Variants in ZNF215 observed in about 807,000 individuals in gnomAD.
The protein encoded by ZNF215 is zinc finger protein 215.
Under a neutral mutation model 27.2 loss-of-function variants are expected in ZNF215, and 24 were observed. The ratio of observed to expected loss-of-function variants is 0.88; its 90% CI spans 0.64 to 1.24. The LOEUF is 1.24. ZNF215 is among the 50% of genes most tolerant of loss of function. ZNF215 has a pLI of 0.00. For missense variants in ZNF215, 675 were observed against 605.7 expected (o/e 1.11, Z -1.20); for synonymous variants, 210 against 204.0 (o/e 1.03, Z -0.25).
downstream of ZNF215, among the ~76,000 whole-genome samples, chr11:6,991,824 A>G (rs1348148562): frequency 6.6e-6 from 1 of 152,142 alleles, no homozygotes; most frequent in Non-Finnish European, 1.5e-5. Flanking sequence ...ATAATCTCTT[A>G]CATTGACTGG....
intron 1 of ZNF215, among the ~76,000 whole-genome samples, chr11:6,927,151 T>A (rs1849081661): frequency 6.6e-6 from 1 of 152,118 alleles, no homozygotes; most frequent in African/African-American, 2.4e-5. Flanking sequence ...CAAGCGTGAC[T>A]GGATCAATCA....
intron 5 of ZNF215, among the ~76,000 whole-genome samples, chr11:6,975,115 T>G (rs1850804035): frequency 6.6e-6 from 1 of 152,174 alleles, no homozygotes; most frequent in Non-Finnish European, 1.5e-5. Context: ...GCTGTTGAAT[T>G]TTGTCAAAGG....
intron 5 of ZNF215, among the ~76,000 whole-genome samples, chr11:6,978,200 TATATTC>T (rs1417720926): frequency 1.1e-4 from 17 of 152,058 alleles, no homozygotes; most frequent in African/African-American, 4.1e-4. Flanking sequence ...TTTACAATGA[TATATTC>T]ATAAAAATAA....
At chr11:6,979,238 A>G (rs1420770782) in intron 5 of ZNF215, among the ~76,000 whole-genome samples, 1 of 152,028 alleles carries the variant, frequency 6.6e-6, no homozygotes, top group African/African-American at 2.4e-5. Flanking sequence ...ACGGTTTCCA[A>G]GAATATCAGG....
intron 2 of ZNF215, among the ~76,000 whole-genome samples, chr11:6,929,081 C>A (rs1440639306): frequency 6.6e-6 from 1 of 152,148 alleles, no homozygotes; most frequent in Non-Finnish European, 1.5e-5. Context: ...TCCCGCGAGA[C>A]CCAGGAATAG....
At chr11:6,932,992 T>G (rs1395051532) in intron 3 of ZNF215, among the ~76,000 whole-genome samples, 1 of 152,244 alleles carries the variant, frequency 6.6e-6, no homozygotes, top group Non-Finnish European at 1.5e-5. Flanking sequence ...CTATGTCCAT[T>G]TTCATTTTGT....
chr11:6,945,987 C>T (rs1321516006), intron 6 of ZNF215, among the ~76,000 whole-genome samples: 2 of 152,124 alleles, frequency 1.3e-5, no homozygotes, highest in Non-Finnish European at 2.9e-5. Flanking sequence ...TTCTACTCTT[C>T]TATTATTCCC....
Position 6,932,175 on chromosome 11 carries a change from C to A in ZNF215, c.-98C>A. ...TACCGTGAAATAACTTGGCTTAAAT[C>A]ACACTGCATATAGTACACAGGTGCT... On this transcript the variant is annotated 5_prime_UTR_variant, in exon 3 of 7. Transcript: ENST00000278319. The A allele has an allele frequency of 2.1e-6, 3 of 1,432,382 alleles. No individual in the cohort carries two copies. The highest frequency in any genetic ancestry group is 2.8e-6 in the Non-Finnish European group (3 of 1,068,930). 88.7% of individuals were successfully genotyped at this position (1,432,382 alleles called of 1,614,324 possible).
downstream of ZNF215, among the ~76,000 whole-genome samples, chr11:6,987,250 C>T (rs913844662): frequency 6.6e-6 from 1 of 152,128 alleles, no homozygotes; most frequent in East Asian, 1.9e-4. Context: ...AAACCATTAC[C>T]TAAGCAAAAT....
intron 5 of ZNF215, among the ~76,000 whole-genome samples, chr11:6,981,901 C>G (rs1410965891): frequency 6.6e-6 from 1 of 152,004 alleles, no homozygotes; most frequent in East Asian, 1.9e-4. Flanking sequence ...TCAGGTTTGT[C>G]AAAGATCAGA....
chr11:6,979,879 G>A (rs928501800), intron 5 of ZNF215, among the ~76,000 whole-genome samples: 6 of 152,052 alleles, frequency 3.9e-5, no homozygotes, highest in Admixed American at 6.6e-5. Flanking sequence ...AGCTATAAAC[G>A]TGATAGACTT....
At chr11:6,943,458 G>T in intron 5 of ZNF215, 88 bp from the exon 6 acceptor site, 1 of 1,300,298 alleles carries the variant, frequency 7.7e-7, no homozygotes, top group Non-Finnish European at 1.1e-6. Flanking sequence ...GGATTACTGT[G>T]TCGGGATAGA....
chr11:6,960,446 ACT>A (rs942760675), downstream of ZNF215, among the ~76,000 whole-genome samples: 8 of 152,114 alleles, frequency 5.3e-5, no homozygotes, highest in Non-Finnish European at 1.2e-4. Flanking sequence ...GAGCTCCATA[ACT>A]CAGCCTGAGC....
chr11:6,952,144 T>G (rs935714929), intron 6 of ZNF215, among the ~76,000 whole-genome samples: 1 of 152,198 alleles, frequency 6.6e-6, no homozygotes, highest in African/African-American at 2.4e-5. Flanking sequence ...GAGGAGAGCT[T>G]TACTTCCAAG....
chr11:6,935,595 G>C (rs1172537282), intron 3 of ZNF215, among the ~76,000 whole-genome samples: 1 of 151,942 alleles, frequency 6.6e-6, no homozygotes, highest in African/African-American at 2.4e-5. Context: ...AAGTGAAAGA[G>C]AAATAGATCA....
At chr11:6,950,070 C>G (rs1239793618) in intron 6 of ZNF215, among the ~76,000 whole-genome samples, 21 of 151,732 alleles carry the variant, frequency 1.4e-4, no homozygotes, top group African/African-American at 4.4e-4. Flanking sequence ...TCTGAGGGCT[C>G]TGTTCTGTTC....
intron 5 of ZNF215, among the ~76,000 whole-genome samples, chr11:6,974,676 T>C (rs1368855791): frequency 6.6e-5 from 10 of 152,196 alleles, no homozygotes; most frequent in Admixed American, 3.9e-4. Context: ...AGTTCACTCA[T>C]GATTTGGCTC....
At chr11:6,986,724 T>A (rs1851058484), downstream of ZNF215, among the ~76,000 whole-genome samples, 1 of 152,032 alleles carries the variant, frequency 6.6e-6, no homozygotes, top group African/African-American at 2.4e-5. Flanking sequence ...AAAGAAGATA[T>A]ACAAGCAGTC....
chr11:6,975,847 T>C (rs868114931), intron 5 of ZNF215, among the ~76,000 whole-genome samples: 3 of 152,272 alleles, frequency 2.0e-5, no homozygotes, highest in Middle Eastern at 3.4e-3. Context: ...CTGATTTCCT[T>C]CTTTTGGATA....
Sources: gnomAD v4.1 joint callset for allele counts (sites outside exome capture counted in the v4.1 genomes callset) on GRCh38, gnomAD v4.1.1 for gene constraint, MANE v1.5 for transcripts, NCBI Gene and HGNC (gene_info 2026-07-23, HGNC 2026-07-21) for gene names.